PWWP2A: variants seen among roughly 807,000 people sequenced by gnomAD.
PWWP2A encodes the protein PWWP domain containing 2A.
A neutral mutation model predicts 48.5 loss-of-function variants in PWWP2A; 18 were observed. The ratio of observed to expected loss-of-function variants is 0.37; its 90% CI spans 0.26 to 0.55. PWWP2A has a LOEUF of 0.55. Among genes scored for constraint, PWWP2A ranks in the 20% least tolerant of loss-of-function variants. PWWP2A has a pLI of 0.81. For synonymous variants in PWWP2A, 396 were observed against 387.7 expected, an observed-to-expected ratio of 1.02 and a Z score of -0.25; for missense variants, 867 against 976.4, an observed-to-expected ratio of 0.89 and a Z score of 1.49.
the PWWP2A span, among the ~76,000 whole-genome samples, chr5:160,045,379 A>T: frequency 6.6e-6 from 1 of 150,576 alleles, no homozygotes. Flanking sequence ...GGATACATGC[A>T]TTGTATTCAT....
downstream of PWWP2A, among the ~76,000 whole-genome samples, chr5:160,074,506 C>T (rs571706626): frequency 3.0e-4 from 45 of 150,816 alleles, no homozygotes; most frequent in African/African-American, 1.1e-3. Flanking sequence ...CAGCACTTTG[C>T]GAAGCCGAGG....
the PWWP2A span, among the ~76,000 whole-genome samples, chr5:160,044,913 T>G: frequency 2.6e-5 from 4 of 152,238 alleles, no homozygotes; most frequent in Non-Finnish European, 5.9e-5. Flanking sequence ...CTACTGGCTT[T>G]CTTTTCTTTA....
chr5:160,100,740 G>A (rs910665460), intron 1 of PWWP2A, among the ~76,000 whole-genome samples: 1 of 152,234 alleles, frequency 6.6e-6, no homozygotes. Flanking sequence ...GCTTATTGTG[G>A]TTCATATTTC....
At chr5:160,056,422 A>G in the PWWP2A span, among the ~76,000 whole-genome samples, 1 of 152,202 alleles carries the variant, frequency 6.6e-6, no homozygotes, top group Non-Finnish European at 1.5e-5. Flanking sequence ...TACCATCTGG[A>G]GCTTGGCATG....
intron 1 of PWWP2A, among the ~76,000 whole-genome samples, chr5:160,099,665 T>C (rs1756051095): frequency 1.3e-5 from 2 of 149,166 alleles, no homozygotes. Context: ...TAGGAGTAAG[T>C]GCCAAAAAAA....
At chr5:160,074,064 C>CAA (rs57010218), downstream of PWWP2A, among the ~76,000 whole-genome samples, 6 of 71,612 alleles carry the variant, frequency 8.4e-5, no homozygotes, top group African/African-American at 1.0e-4. Flanking sequence ...GACTCCGTTT[C>CAA]AAAAAAAAAA....
intron 1 of PWWP2A, among the ~76,000 whole-genome samples, chr5:160,096,492 ATG>A (rs994284727): frequency 6.6e-6 from 1 of 152,230 alleles, no homozygotes; most frequent in African/African-American, 2.4e-5. Context: ...AACATAAACA[ATG>A]TGACTTATTT....
At chr5:160,079,378 C>T (rs529164173) in intron 3 of PWWP2A, among the ~76,000 whole-genome samples, 73 of 151,576 alleles carry the variant, frequency 4.8e-4, no homozygotes, top group Non-Finnish European at 9.0e-4. Context: ...TGAAAAGTGA[C>T]CTCTAGGGAC....
chr5:160,113,892 G>A (rs1335721767), intron 1 of PWWP2A, among the ~76,000 whole-genome samples: 1 of 152,150 alleles, frequency 6.6e-6, no homozygotes, highest in Non-Finnish European at 1.5e-5. Context: ...AAAAAGCAAA[G>A]GTTTTAGAAT....
chr5:160,045,453 T>TA, the PWWP2A span, among the ~76,000 whole-genome samples: 12 of 34,010 alleles, frequency 3.5e-4, no homozygotes, highest in South Asian at 8.5e-4. Flanking sequence ...TCCCCCACCC[T>TA]CCACACACAC....
At chr5:160,054,794 C>T in the PWWP2A span, among the ~76,000 whole-genome samples, 8 of 152,156 alleles carry the variant, frequency 5.3e-5, no homozygotes, top group Non-Finnish European at 1.2e-4. Context: ...ATGAGTATAT[C>T]TAAGCCTTTA....
In PWWP2A at chr5:160,067,469, C is replaced by T. The variant is rs144158376; in HGVS notation, c.*80-598G>A. Among the ~76,000 whole-genome samples, 122 of 152,240 alleles carry T rather than the reference C, an allele frequency of 8.0e-4. 1 individual carries two copies. In the East Asian group the frequency reaches 0.022, roughly 27 times the overall value. ...ATTCCAGAAGGACTATCTGTGCCTC[C>T]AAGGAATAGGAAATAGACTTGTTCG... is the stretch of plus-strand genomic sequence containing the variant. On this transcript the variant is annotated intron_variant and NMD_transcript_variant, in intron 2 of 5. Coordinates refer to the PWWP2A transcript ENST00000524050.
intron 1 of PWWP2A, among the ~76,000 whole-genome samples, chr5:160,098,765 T>G (rs1755947771): frequency 6.6e-6 from 1 of 152,074 alleles, no homozygotes; most frequent in African/African-American, 2.4e-5. Flanking sequence ...AAACCCTAAT[T>G]TCTCCTAGCC....
rs70987998 is a variant in PWWP2A at position 160,095,047 on chromosome 5, C to CAAAAAAAAAAAAAAAAAA, written c.585-1000_585-983dup. Among the ~76,000 whole-genome samples the CAAAAAAAAAAAAAAAAAA allele has an allele frequency of 6.5e-5, 2 of 30,874 alleles. 1 individual carries two copies. The highest frequency in any genetic ancestry group is 2.6e-4 in the African/African-American group (2 of 7,754). The allele number at this position is 30,874 out of a possible 152,430, so 20.3% of individuals were successfully genotyped here. Reference sequence around the variant, plus strand: ...TGGGCAACAGAGCAAGACTCTGTCTCAAAAAAAAAAAAAAAAAAAAAAAAA... The same window carrying CAAAAAAAAAAAAAAAAAA: ...TGGGCAACAGAGCAAGACTCTGTCTCAAAAAAAAAAAAAAAAAAAAAAAAAAAAAAAAAAAAAAAAAAA... On this transcript the variant is annotated intron_variant, in intron 1 of 1. Coordinates refer to ENST00000307063, the MANE Select transcript of PWWP2A (RefSeq NM_001130864.2).
In PWWP2A at chr5:160,118,935, T is replaced by G. The variant is rs778681728; in HGVS notation, c.454A>C (p.Thr152Pro). 79 of 1,598,832 alleles carry G rather than the reference T, an allele frequency of 4.9e-5. No individual in the cohort carries two copies. Among genetic ancestry groups the G allele is most frequent in the Non-Finnish European group, 6.6e-5 (77 of 1,173,996 alleles). ...GAGCCCGGGATCAGTTGCGACACCG[T>G]GGAGTCCCCGCCCGCCGGCGGCACG... Reference protein sequence around the residue: ...ALVPPAGGDSTVSQLIPGSEV... With the variant: ...ALVPPAGGDSPVSQLIPGSEV... The change falls in exon 1 of 2, where the codon ACG becomes CCG. Residue 152 changes from threonine (T) to proline (P), a missense_variant. Transcript: ENST00000307063.
intron 1 of PWWP2A, among the ~76,000 whole-genome samples, chr5:160,110,520 TACATGGAGAA>T (rs1359419869): frequency 2.0e-5 from 3 of 147,010 alleles, no homozygotes; most frequent in Admixed American, 6.8e-5. Context: ...CAGCCTGACC[TACATGGAGAA>T]ACCCCGTCTC....
chr5:160,118,893 G>T lies in PWWP2A; in HGVS notation c.496C>A (p.Leu166Met). 1 of 1,601,992 alleles carries T rather than the reference G, an allele frequency of 6.2e-7. No individual in the cohort carries two copies. ...LIPGSEVRVT[L>M]DHIIEDALVV... Reference sequence around the variant, plus strand: ...AGCGCGTCCTCAATGATGTGGTCCAGCGTGACCCGCACCTCCGAGCCCGGG... The same window carrying T: ...AGCGCGTCCTCAATGATGTGGTCCATCGTGACCCGCACCTCCGAGCCCGGG... The change falls in exon 1 of 2, where the codon CTG becomes ATG. Residue 166 changes from leucine to methionine, a missense_variant. By Grantham distance (15) the Leu-to-Met change is conservative. This residue lies in a region of PWWP2A where 385 missense variants were observed against 396.9 expected (regional missense o/e 0.97). Transcript: ENST00000307063.
At chr5:160,073,417 C>CA (rs902952580), downstream of PWWP2A, among the ~76,000 whole-genome samples, 4 of 151,772 alleles carry the variant, frequency 2.6e-5, no homozygotes, top group African/African-American at 9.7e-5. Context: ...TTAGTAGAGA[C>CA]AGAGTTTCAC....
At chr5:160,046,354 T>C in the PWWP2A span, among the ~76,000 whole-genome samples, 1 of 152,206 alleles carries the variant, frequency 6.6e-6, no homozygotes, top group African/African-American at 2.4e-5. Flanking sequence ...ATTCTCTCTC[T>C]TAAATTTAAT....
Sources: gnomAD v4.1 joint callset for allele counts (sites outside exome capture counted in the v4.1 genomes callset) on GRCh38, gnomAD v4.1.1 for gene constraint, gnomAD v4.1.1 regional missense constraint, MANE v1.5 for transcripts, NCBI Gene and HGNC (gene_info 2026-07-23, HGNC 2026-07-21) for gene names.